The following SCLT1 variants were observed in gnomAD, a reference collection of about 807,000 sequenced individuals.
SCLT1 encodes the protein sodium channel and clathrin linker 1.
A neutral mutation model predicts 112.8 loss-of-function variants in SCLT1; 78 were observed. The ratio of observed to expected loss-of-function variants is 0.69; its 90% confidence interval spans 0.58 to 0.83. SCLT1 has a LOEUF of 0.83. Among genes scored for constraint, SCLT1 ranks in the 40% least tolerant of loss-of-function variants. The pLI, the probability that SCLT1 is intolerant of heterozygous loss-of-function variation, is 0.00. For missense variants in SCLT1, 747 were observed against 770.4 expected (o/e 0.97, Z 0.36); for synonymous variants, 257 against 254.7 (o/e 1.01, Z -0.09).
chr4:128,958,677 G>A (rs184247481), intron 12 of SCLT1, among the ~76,000 whole-genome samples: 5 of 152,106 alleles, frequency 3.3e-5, no homozygotes, highest in African/African-American at 1.2e-4. Context: ...TTAGGTATTC[G>A]ACACAATTCC....
At chr4:128,948,829 A>T (rs79277184) in intron 14 of SCLT1, among the ~76,000 whole-genome samples, 1 of 152,200 alleles carries the variant, frequency 6.6e-6, no homozygotes, top group East Asian at 1.9e-4. Context: ...GAAAAAAATA[A>T]ATAGAACCCC....
rs546763689 is a variant in SCLT1 at position 129,024,850 on chromosome 4, T to A, written c.290+14191A>T. Among the ~76,000 whole-genome samples, 568 of 152,092 alleles carry A rather than the reference T, an allele frequency of 3.7e-3. 1 individual carries two copies. The highest frequency in any genetic ancestry group is 0.011 in the African/African-American group (470 of 41,500). ...TAGAATAACCAATACAGAGAAGTGC[T>A]TAAAGGAGCTGATGGAGCTGAAAAC... On this transcript the variant is annotated intron_variant, in intron 5 of 20. Transcript: ENST00000281142.
rs534706103 is a variant in SCLT1 at position 128,993,685 on chromosome 4, A to G, written c.616-1448T>C. On this transcript the variant is annotated intron_variant, in intron 8 of 20. Coordinates refer to ENST00000281142, the MANE Select transcript of SCLT1 (RefSeq NM_144643.4). Reference sequence around the variant, plus strand: ...GTGCAGGGAAGCATCCTTTTCAACCATCATCTATTTAGCACCTTTTTCACT... The same window carrying G: ...GTGCAGGGAAGCATCCTTTTCAACCGTCATCTATTTAGCACCTTTTTCACT... Among the ~76,000 whole-genome samples the G allele has an allele frequency of 3.9e-5, 6 of 152,134 alleles. No individual in the cohort carries two copies. In the East Asian group the frequency reaches 5.8e-4, roughly 15 times the overall value.
At chr4:128,963,386 C>T (rs1442814837) in intron 11 of SCLT1, among the ~76,000 whole-genome samples, 2 of 152,132 alleles carry the variant, frequency 1.3e-5, no homozygotes, top group East Asian at 1.9e-4. Flanking sequence ...AATCAGATAT[C>T]ACCAGATACT....
chr4:128,963,890 T>C (rs1001065238), intron 11 of SCLT1, among the ~76,000 whole-genome samples: 1 of 152,278 alleles, frequency 6.6e-6, no homozygotes, highest in African/African-American at 2.4e-5. Context: ...AATGAAAAGA[T>C]TTTATTAAAC....
At position 129,029,240 on chromosome 4, in the gene SCLT1, C is replaced by T. The variant is rs75856404; in HGVS notation, c.290+9801G>A. Among the ~76,000 whole-genome samples, 1,221 of 151,936 alleles carry T rather than the reference C, an allele frequency of 8.0e-3. 15 individuals carry two copies. Among genetic ancestry groups the T allele is most frequent in the African/African-American group, 0.028 (1,166 of 41,434 alleles). On this transcript the variant is annotated intron_variant, in intron 5 of 20. Coordinates refer to ENST00000281142, the MANE Select transcript of SCLT1 (RefSeq NM_144643.4). ...GACACACGCACATGTATGTTTATTG[C>T]GGCACTATTCACAATAGCAAAGACT...
chr4:128,983,696 G>T (rs926212698), intron 9 of SCLT1, among the ~76,000 whole-genome samples: 1 of 152,002 alleles, frequency 6.6e-6, no homozygotes, highest in Non-Finnish European at 1.5e-5. Flanking sequence ...CTATGACAAG[G>T]TATCACCAAA....
chr4:128,942,894 C>G (rs1466191588), intron 17 of SCLT1, 102 bp downstream of exon 17: 1 of 738,696 alleles, frequency 1.4e-6, no homozygotes, highest in Non-Finnish European at 2.2e-6. Context: ...GATGAGAAGG[C>G]AAAAAAAAAG....
At chr4:129,050,423 G>A (rs918059069) in intron 2 of SCLT1, among the ~76,000 whole-genome samples, 15 of 152,016 alleles carry the variant, frequency 9.9e-5, no homozygotes, top group Non-Finnish European at 4.4e-5. Flanking sequence ...TTTAATGATC[G>A]CCATTCTAAC....
intron 9 of SCLT1, among the ~76,000 whole-genome samples, chr4:128,975,111 T>C (rs1319513525): frequency 1.4e-5 from 2 of 141,388 alleles, no homozygotes. Context: ...CGATCTTGGC[T>C]CACTGCAAGC....
chr4:128,928,816 G>T (rs910486160), intron 18 of SCLT1, among the ~76,000 whole-genome samples: 23 of 140,686 alleles, frequency 1.6e-4, no homozygotes, highest in African/African-American at 6.0e-4. Context: ...CGGGAAACAA[G>T]AGCGAAACTC....
chr4:129,051,277 C>A (rs1195018491), intron 2 of SCLT1, among the ~76,000 whole-genome samples: 1 of 152,022 alleles, frequency 6.6e-6, no homozygotes, highest in African/African-American at 2.4e-5. Flanking sequence ...TCAATGGTAG[C>A]TTGAGGGGAA....
At chr4:128,937,413 C>T (rs773691434) in intron 17 of SCLT1, among the ~76,000 whole-genome samples, 1 of 152,118 alleles carries the variant, frequency 6.6e-6, no homozygotes, top group African/African-American at 2.4e-5. Context: ...CTTTCCCTAA[C>T]ACCTTAAAAT....
At chr4:129,017,626 T>C (rs1745107660) in intron 5 of SCLT1, among the ~76,000 whole-genome samples, 1 of 152,114 alleles carries the variant, frequency 6.6e-6, no homozygotes, top group Non-Finnish European at 1.5e-5. Flanking sequence ...ATATGCAAGA[T>C]AGTAAGACAA....
intron 1 of SCLT1, among the ~76,000 whole-genome samples, chr4:129,090,590 T>C (rs1407238088): frequency 1.3e-5 from 2 of 152,278 alleles, no homozygotes; most frequent in South Asian, 2.1e-4. Context: ...AAAGAACAAA[T>C]TGATGAATTA....
At chr4:129,043,100 T>TG (rs1490340573) in intron 4 of SCLT1, among the ~76,000 whole-genome samples, 1 of 150,664 alleles carries the variant, frequency 6.6e-6, no homozygotes. Flanking sequence ...AAAAAAGAGA[T>TG]GGGGTCTCAC....
chr4:128,955,018 T>C (rs1295693106), intron 13 of SCLT1, among the ~76,000 whole-genome samples: 1 of 152,220 alleles, frequency 6.6e-6, no homozygotes, highest in African/African-American at 2.4e-5. Context: ...ACATTTATAG[T>C]AATCCTGGCA....
At chr4:128,998,404 C>T (rs1354299222) in intron 7 of SCLT1, among the ~76,000 whole-genome samples, 1 of 151,778 alleles carries the variant, frequency 6.6e-6, no homozygotes, top group African/African-American at 2.4e-5. Context: ...GTTTGATTAG[C>T]TGTTATGATT....
chr4:129,047,856 T>C (rs1381164501), intron 2 of SCLT1, among the ~76,000 whole-genome samples: 1 of 152,158 alleles, frequency 6.6e-6, no homozygotes, highest in African/African-American at 2.4e-5. Context: ...GTTGAATTGT[T>C]TGAGTTCCTT....
Sources: allele counts gnomAD v4.1 joint callset (sites outside exome capture counted in the v4.1 genomes callset), GRCh38; gene constraint gnomAD v4.1.1; transcripts MANE v1.5; gene names NCBI Gene and HGNC (gene_info 2026-07-23, HGNC 2026-07-21).